Variants in RANBP2 observed in about 807,000 individuals in gnomAD.
RANBP2 encodes E3 SUMO-protein ligase RanBP2.
In RANBP2, 57 loss-of-function variants were observed where a neutral mutation model predicts 303.6. The observed-to-expected ratio is 0.19, with a 90% CI of 0.15 to 0.23. RANBP2 has a LOEUF of 0.23. Ranked by LOEUF, RANBP2 falls within the 10% of genes least tolerant of loss-of-function variation. The pLI, the probability that RANBP2 is intolerant of heterozygous loss-of-function variation, is 1.00. For missense variants in RANBP2, 3,138 were observed against 3,780.8 expected, an observed-to-expected ratio of 0.83 and a Z score of 4.46; for synonymous variants, 1,167 against 1,301.5, an observed-to-expected ratio of 0.90 and a Z score of 2.23.
chr2:109,582,587 C>G, the RANBP2 span, among the ~76,000 whole-genome samples: 5 of 152,162 alleles, frequency 3.3e-5, no homozygotes, highest in African/African-American at 1.2e-4. Flanking sequence ...TCCCAGAGTG[C>G]TAGGATTACA....
chr2:109,262,306 C>T, the RANBP2 span, among the ~76,000 whole-genome samples: 853 of 152,296 alleles, frequency 5.6e-3, 9 homozygotes, highest in South Asian at 0.031. Context: ...ATAAATGTCT[C>T]GAGTAACCAC....
At chr2:109,188,661 T>G in the RANBP2 span, among the ~76,000 whole-genome samples, 1 of 152,186 alleles carries the variant, frequency 6.6e-6, no homozygotes, top group African/African-American at 2.4e-5. Context: ...AGGGCTGGAA[T>G]GCAAAGCGCT....
At chr2:109,476,667 T>A in the RANBP2 span, among the ~76,000 whole-genome samples, 5 of 152,176 alleles carry the variant, frequency 3.3e-5, no homozygotes, top group African/African-American at 4.8e-5. Context: ...TTCTTGGATC[T>A]CCCGCAAGAA....
chr2:109,571,682 T>C, the RANBP2 span, among the ~76,000 whole-genome samples: 1 of 152,204 alleles, frequency 6.6e-6, no homozygotes, highest in Non-Finnish European at 1.5e-5. Context: ...CACTATTTTA[T>C]ATAAGGAATT....
In RANBP2 at chr2:108,767,397, G is replaced by A. The variant is rs750961259; in HGVS notation, c.6858G>A (p.Gln2286=). The change falls in exon 20 of 29, where the codon CAG becomes CAA. Residue 2286 remains glutamine (Q), a synonymous_variant. Coordinates refer to ENST00000283195, the MANE Select transcript of RANBP2 (RefSeq NM_006267.5). ...CTAAGTCTCCTGCCAAGTTGAATCAGAGTGGGACTTCAGTTGGCACTGATG... is the reference window on the plus strand; with the variant it reads ...CTAAGTCTCCTGCCAAGTTGAATCAAAGTGGGACTTCAGTTGGCACTGATG... ...SPSKSPAKLN[Q]SGTSVGTDEE... The A allele has an allele frequency of 1.4e-5, 22 of 1,611,844 alleles. No homozygotes were observed. In the South Asian group the frequency reaches 2.2e-4, roughly 16 times the overall value.
At chr2:108,910,890 CAG>C in the RANBP2 span, 70 of 1,613,908 alleles carry the variant, frequency 4.3e-5, no homozygotes, top group Middle Eastern at 3.3e-4. Context: ...GGCTCTCCGA[CAG>C]GGGGAGTTGA....
At chr2:108,928,912 T>C in the RANBP2 span, among the ~76,000 whole-genome samples, 4 of 152,248 alleles carry the variant, frequency 2.6e-5, no homozygotes, top group Admixed American at 2.6e-4. Context: ...TACTGCACTG[T>C]AAGTATTCAA....
At chr2:109,668,560 T>C in the RANBP2 span, among the ~76,000 whole-genome samples, 3 of 152,190 alleles carry the variant, frequency 2.0e-5, no homozygotes, top group Admixed American at 6.5e-5. Flanking sequence ...AGTGGGACTC[T>C]AGGCTGTGCC....
the RANBP2 span, among the ~76,000 whole-genome samples, chr2:109,231,801 A>C: frequency 6.6e-6 from 1 of 152,100 alleles, no homozygotes; most frequent in Non-Finnish European, 1.5e-5. Flanking sequence ...CCTCTTATTC[A>C]TTTTTAGTAA....
intron 14 of RANBP2, 35 bp from the exon 15 acceptor site, chr2:108,753,790 A>C (rs1200577061): frequency 6.2e-7 from 1 of 1,611,528 alleles, no homozygotes; most frequent in African/African-American, 1.3e-5. Flanking sequence ...TTGTTTTAAA[A>C]ACCTAATGAT....
the RANBP2 span, among the ~76,000 whole-genome samples, chr2:108,799,829 C>T: frequency 1.3e-5 from 2 of 151,974 alleles, no homozygotes; most frequent in African/African-American, 4.8e-5. Context: ...CTTCAGTGTT[C>T]TTCAGATAGT....
chr2:109,225,922 T>C, the RANBP2 span, among the ~76,000 whole-genome samples: 1 of 152,190 alleles, frequency 6.6e-6, no homozygotes, highest in Non-Finnish European at 1.5e-5. Context: ...CTTTCCACCA[T>C]GCCAGCTAAA....
chr2:109,461,035 A>G, the RANBP2 span, among the ~76,000 whole-genome samples: 1 of 152,220 alleles, frequency 6.6e-6, no homozygotes, highest in South Asian at 2.1e-4. Context: ...CCAGGAGGCC[A>G]CAGGTGCAGG....
Position 108,763,398 on chromosome 2 carries a change from T to C in RANBP2, c.2859T>C (p.Ile953=), listed in dbSNP as rs1195073317. 1 of 1,613,990 alleles carries C rather than the reference T, an allele frequency of 6.2e-7. No homozygotes were observed. Among genetic ancestry groups the C allele is most frequent in the African/African-American group, 1.3e-5 (1 of 74,998 alleles). The stretch of plus-strand genomic sequence containing the variant: ...GTTTTGAGTCTCCTGCAACGGGAAT[T>C]CTATCGCCCAGGGGTGATGATTACT... ...ALRFESPATG[I]LSPRGDDYFN... Residue 953 remains isoleucine, a synonymous_variant, in exon 20 of 29, where the codon ATT becomes ATC. Coordinates refer to ENST00000283195, the MANE Select transcript of RANBP2 (RefSeq NM_006267.5).
At chr2:109,710,495 A>T in the RANBP2 span, among the ~76,000 whole-genome samples, 6 of 152,148 alleles carry the variant, frequency 3.9e-5, no homozygotes, top group Non-Finnish European at 8.8e-5. Flanking sequence ...ATTTGGAGAC[A>T]CTCAAAAGTA....
chr2:108,860,935 CTTTTTTTTT>C, the RANBP2 span, among the ~76,000 whole-genome samples: 35 of 37,934 alleles, frequency 9.2e-4, 2 homozygotes, highest in East Asian at 5.5e-3. Flanking sequence ...TGGTCCAGGA[CTTTTTTTTT>C]TTTTTTTTTT....
At chr2:109,253,744 A>G in the RANBP2 span, among the ~76,000 whole-genome samples, 1 of 152,050 alleles carries the variant, frequency 6.6e-6, no homozygotes, top group Admixed American at 6.5e-5. Context: ...GCACCAGGCC[A>G]AGTGGAGACC....
chr2:109,406,954 T>C, the RANBP2 span, among the ~76,000 whole-genome samples: 1 of 152,136 alleles, frequency 6.6e-6, no homozygotes, highest in Non-Finnish European at 1.5e-5. Context: ...ACTCAGCAAG[T>C]TTGCATTTCT....
At chr2:109,053,727 C>T in the RANBP2 span, among the ~76,000 whole-genome samples, 1 of 152,246 alleles carries the variant, frequency 6.6e-6, no homozygotes, top group South Asian at 2.1e-4. Context: ...CTCAGCGAAC[C>T]TGCTTCCTAG....
Sources: gnomAD v4.1 joint callset for allele counts (sites outside exome capture counted in the v4.1 genomes callset) on GRCh38, gnomAD v4.1.1 for gene constraint, MANE v1.5 for transcripts, NCBI Gene and HGNC (gene_info 2026-07-23, HGNC 2026-07-21) for gene names.